NRG3: variants seen among roughly 807,000 people sequenced by gnomAD.
NRG3 encodes the protein pro-neuregulin-3, membrane-bound isoform.
Under a neutral mutation model 66.9 loss-of-function variants are expected in NRG3, and 31 were observed. The ratio of observed to expected loss-of-function variants is 0.46; its 90% CI spans 0.35 to 0.63. The LOEUF (loss-of-function observed/expected upper bound fraction) is 0.63, where lower values mean the gene tolerates loss of function less well. Among genes scored for constraint, NRG3 ranks in the 20% least tolerant of loss-of-function variants. The pLI is 0.00. For missense variants in NRG3, 910 were observed against 878.9 expected (o/e 1.04, Z -0.45); for synonymous variants, 393 against 359.4 (o/e 1.09, Z -1.06).
In NRG3 at chr10:82,376,194, CA is replaced by C. The variant is rs144402902; in HGVS notation, c.953+17327del. On this transcript the variant is annotated intron_variant, in intron 2 of 8. Coordinates refer to ENST00000372141, the MANE Select transcript of NRG3 (RefSeq NM_001010848.4). ...TCTGGCCTTATCTAGCAAGGCTTTA[CA>C]CCGGAGCTCTTCCACTTTAGCTGCA... Among the ~76,000 whole-genome samples, 731 of 152,292 alleles carry C rather than the reference CA, an allele frequency of 4.8e-3. 6 individuals carry two copies. The highest frequency in any genetic ancestry group is 0.017 in the African/African-American group (703 of 41,558).
chr10:82,430,535 G>A (rs1374057715), intron 2 of NRG3, among the ~76,000 whole-genome samples: 1 of 152,160 alleles, frequency 6.6e-6, no homozygotes, highest in African/African-American at 2.4e-5. Context: ...GGGATTACAA[G>A]TGTGAGCCAC....
At chr10:82,151,828 A>T (rs1397742098) in intron 1 of NRG3, among the ~76,000 whole-genome samples, 2 of 152,216 alleles carry the variant, frequency 1.3e-5, no homozygotes, top group Non-Finnish European at 2.9e-5. Flanking sequence ...TCTGCTCAGA[A>T]GACTTGGATC....
rs573868169 is a variant in NRG3 at position 82,650,177 on chromosome 10, T to C, written c.954-88400T>C. On this transcript the variant is annotated intron_variant, in intron 2 of 8. Coordinates refer to ENST00000372141, the MANE Select transcript of NRG3 (RefSeq NM_001010848.4). ...AAAATATTACGCTTCTTCTTTGTCATGATATGTATATGTATGTGTATGTCT... is the reference window on the plus strand; with the variant it reads ...AAAATATTACGCTTCTTCTTTGTCACGATATGTATATGTATGTGTATGTCT... Among the ~76,000 whole-genome samples the C allele has an allele frequency of 4.6e-5, 7 of 152,334 alleles. No individual in the cohort carries two copies. In the South Asian group the frequency reaches 1.4e-3, roughly 32 times the overall value.
intron 1 of NRG3, among the ~76,000 whole-genome samples, chr10:82,099,337 G>A (rs1332719824): frequency 6.6e-6 from 1 of 152,072 alleles, no homozygotes; most frequent in Non-Finnish European, 1.5e-5. Context: ...TTCTTGAATT[G>A]CCTGTGTAGG....
chr10:82,885,622 A>G (rs979700075), intron 4 of NRG3, among the ~76,000 whole-genome samples: 3 of 152,202 alleles, frequency 2.0e-5, no homozygotes, highest in Non-Finnish European at 4.4e-5. Flanking sequence ...TAAAATACAA[A>G]ATATACATTG....
chr10:82,527,777 C>G, intron 2 of NRG3, among the ~76,000 whole-genome samples: 1 of 152,122 alleles, frequency 6.6e-6, no homozygotes, highest in East Asian at 1.9e-4. Flanking sequence ...TCTTAATGAG[C>G]TCTTTTGTTT....
At chr10:82,215,703 A>G (rs2075630054) in intron 1 of NRG3, among the ~76,000 whole-genome samples, 1 of 152,170 alleles carries the variant, frequency 6.6e-6, no homozygotes, top group African/African-American at 2.4e-5. Context: ...TGACAACACT[A>G]TTGACCTATA....
chr10:82,116,005 G>A (rs1197554075), intron 1 of NRG3, among the ~76,000 whole-genome samples: 2 of 152,016 alleles, frequency 1.3e-5, no homozygotes, highest in African/African-American at 2.4e-5. Flanking sequence ...AGTCAATGGG[G>A]GTATTTTGTC....
intron 2 of NRG3, among the ~76,000 whole-genome samples, chr10:82,719,551 C>G (rs1352065858): frequency 6.6e-6 from 1 of 152,174 alleles, no homozygotes; most frequent in Non-Finnish European, 1.5e-5. Flanking sequence ...GTAGGAAGCA[C>G]TAAATGTGAA....
In NRG3 at chr10:81,876,048, C is replaced by G. The variant is rs1431167504; in HGVS notation, c.708C>G (p.His236Gln). Residue 236 changes from histidine to glutamine, a missense_variant, in exon 1 of 9, where the codon CAC becomes CAG. His to Gln is a conservative substitution (Grantham distance 24). Coordinates refer to ENST00000372141, the MANE Select transcript of NRG3 (RefSeq NM_001010848.4). ...CATACGCTACCTCCTCCTACCTTCA[C>G]GATTCTACTCCCTCCTGGACCCTGT... ...TAAYATSSYL[H>Q]DSTPSWTLSP... 1.9e-6 allele frequency: 3 copies of G among 1,613,974 alleles called. No homozygotes were observed. The highest frequency in any genetic ancestry group is 1.1e-5 in the South Asian group (1 of 91,078).
Position 82,071,879 on chromosome 10 carries a change from A to G in NRG3, c.823+195716A>G, listed in dbSNP as rs112985982. Reference sequence around the variant, plus strand: ...TAGTAGGGAAGGGTTTGGTTGATATACTTGAAAATTTTATATTGTTTGAAT... The same window carrying G: ...TAGTAGGGAAGGGTTTGGTTGATATGCTTGAAAATTTTATATTGTTTGAAT... On this transcript the variant is annotated intron_variant, in intron 1 of 8. Coordinates refer to ENST00000372141, the MANE Select transcript of NRG3 (RefSeq NM_001010848.4). 4.2e-3 allele frequency among the ~76,000 whole-genome samples: 646 copies of G among 152,296 alleles called. 10 individuals are homozygous for G. The highest frequency in any genetic ancestry group is 0.015 in the African/African-American group (614 of 41,562).
intron 2 of NRG3, among the ~76,000 whole-genome samples, chr10:82,458,890 T>A (rs752802589): frequency 1.1e-4 from 17 of 152,166 alleles, no homozygotes; most frequent in Non-Finnish European, 2.1e-4. Context: ...AAATGAAGGC[T>A]TACTAATATT....
chr10:82,406,178 A>G (rs1167762167), intron 2 of NRG3, among the ~76,000 whole-genome samples: 2 of 152,210 alleles, frequency 1.3e-5, no homozygotes, highest in Non-Finnish European at 2.9e-5. Flanking sequence ...TTTTCTGCAT[A>G]GCAATTATAT....
chr10:82,769,850 T>C (rs564651865), intron 3 of NRG3, among the ~76,000 whole-genome samples: 3 of 152,266 alleles, frequency 2.0e-5, no homozygotes, highest in Admixed American at 6.6e-5. Flanking sequence ...GTATACCTAA[T>C]ACAGTGTTTA....
At chr10:82,585,250 A>G (rs61864252) in intron 2 of NRG3, among the ~76,000 whole-genome samples, 2,086 of 152,268 alleles carry the variant, frequency 0.014, 19 homozygotes, top group Non-Finnish European at 0.021. Flanking sequence ...AATTAAAACT[A>G]TGGAACATGA....
chr10:82,113,322 G>A (rs757407062), intron 1 of NRG3, among the ~76,000 whole-genome samples: 14 of 152,088 alleles, frequency 9.2e-5, no homozygotes, highest in East Asian at 3.9e-4. Context: ...GATGCCAGCC[G>A]TTGTCCTATG....
Position 82,413,359 on chromosome 10 carries a change from T to C in NRG3, c.953+54491T>C, listed in dbSNP as rs527641666. The stretch of plus-strand genomic sequence containing the variant: ...AACAGTAATATTTTAAAAAGAATCT[T>C]TCTTTGTGTGAGCAGTAGGTCTCAA... On this transcript the variant is annotated intron_variant, in intron 2 of 8. Coordinates refer to ENST00000372141, the MANE Select transcript of NRG3 (RefSeq NM_001010848.4). 8.2e-4 allele frequency among the ~76,000 whole-genome samples: 125 copies of C among 152,284 alleles called. 1 individual carries two copies. The highest frequency in any genetic ancestry group is 1.4e-3 in the Admixed American group (22 of 15,276).
chr10:81,978,816 A>G (rs1483420197), intron 1 of NRG3, among the ~76,000 whole-genome samples: 1 of 152,024 alleles, frequency 6.6e-6, no homozygotes. Context: ...TCAGTCTCCA[A>G]AAACATTGGG....
intron 4 of NRG3, among the ~76,000 whole-genome samples, chr10:82,940,123 A>T (rs1053283005): frequency 6.6e-6 from 1 of 152,184 alleles, no homozygotes; most frequent in East Asian, 1.9e-4. Context: ...AAAGGAATGC[A>T]GAAGGGAAGC....
Sources: gnomAD v4.1 joint callset for allele counts (sites outside exome capture counted in the v4.1 genomes callset) on GRCh38, gnomAD v4.1.1 for gene constraint, MANE v1.5 for transcripts, NCBI Gene and HGNC (gene_info 2026-07-23, HGNC 2026-07-21) for gene names.